The following PDK3 variants were observed in gnomAD, a reference collection of about 807,000 sequenced individuals.
The protein encoded by PDK3 is pyruvate dehydrogenase kinase, isozyme 3.
Under a neutral mutation model 32.0 loss-of-function variants are expected in PDK3, and 12 were observed. That is an observed-to-expected ratio of 0.37 (90% CI 0.24 to 0.61). The LOEUF is 0.61. Among genes scored for constraint, PDK3 ranks in the 20% least tolerant of loss-of-function variants. The pLI, the probability that PDK3 is intolerant of heterozygous loss-of-function variation, is 0.65. For synonymous variants in PDK3, 122 were observed against 116.3 expected, an observed-to-expected ratio of 1.05 and a Z score of -0.31; for missense variants, 188 against 316.9, an observed-to-expected ratio of 0.59 and a Z score of 3.09.
Position 24,528,200 on chromosome X carries a change from A to C in PDK3, c.963+14A>C, listed in dbSNP as rs2148201960. ...GCTGCCCCTTTGGTAAGCATCTGAA[A>C]GTGCTGCTGAAGGAAAGATCATAAA... On this transcript the variant is annotated intron_variant, in intron 9 of 10. Coordinates refer to ENST00000379162, the MANE Select transcript of PDK3 (RefSeq NM_005391.5). 1.1e-5 allele frequency: 10 copies of C among 937,642 alleles called. No individual in the cohort carries two copies. Among genetic ancestry groups the C allele is most frequent in the Non-Finnish European group, 1.5e-5 (10 of 649,190 alleles). The allele number at this position is 937,642 out of a possible 1,213,427, so 77.3% of individuals were successfully genotyped here. A position where few individuals can be genotyped will look rare whatever the true frequency, so the allele number is the denominator to read the frequency against.
At chrX:24,484,044 C>T (rs1187672873) in intron 1 of PDK3, among the ~76,000 whole-genome samples, 3 of 107,257 alleles carry the variant, frequency 2.8e-5, no homozygotes, top group African/African-American at 1.0e-4. Flanking sequence ...CAAAGTCTCA[C>T]TGTGTCGCCC....
chrX:24,537,571 A>C (rs1052777046), downstream of PDK3, among the ~76,000 whole-genome samples: 6 of 110,950 alleles, frequency 5.4e-5, no homozygotes, highest in Non-Finnish European at 1.1e-4. Context: ...TCATAAGTTC[A>C]TATTGATATT....
At chrX:24,526,338 A>G in intron 7 of PDK3, 64 bp downstream of exon 7, 1 of 702,932 alleles carries the variant, frequency 1.4e-6, no homozygotes, top group Non-Finnish European at 2.2e-6. Context: ...TTCAGGGCAT[A>G]ATGGATTCAT....
At chrX:24,473,310 G>C (rs1197968609) in intron 1 of PDK3, among the ~76,000 whole-genome samples, 3 of 108,046 alleles carry the variant, frequency 2.8e-5, no homozygotes, top group Non-Finnish European at 5.8e-5. Flanking sequence ...GGAGGTGGAG[G>C]TTGCAGTGGG....
At chrX:24,541,787 T>C (rs1178595513) in exon 12 of PDK3, among the ~76,000 whole-genome samples, 1 of 112,438 alleles carries the variant, frequency 8.9e-6, no homozygotes, top group Admixed American at 9.4e-5. Flanking sequence ...TATAAGCAAA[T>C]GGTCAGATTT....
chrX:24,517,603 G>A (rs1490484805), intron 5 of PDK3, among the ~76,000 whole-genome samples: 8 of 112,547 alleles, frequency 7.1e-5, no homozygotes, highest in Non-Finnish European at 1.5e-4. Context: ...AGACACAAAC[G>A]CTGACTTCAG....
intron 9 of PDK3, among the ~76,000 whole-genome samples, chrX:24,528,443 C>T (rs1256003275): frequency 1.8e-5 from 2 of 112,041 alleles, no homozygotes; most frequent in Non-Finnish European, 3.8e-5. Flanking sequence ...GAAAAAGTAC[C>T]TCATTGTGGT....
At chrX:24,512,805 G>T (rs923365016) in intron 5 of PDK3, among the ~76,000 whole-genome samples, 4 of 111,249 alleles carry the variant, frequency 3.6e-5, no homozygotes, top group Non-Finnish European at 7.5e-5. Context: ...AAACAAGGTT[G>T]TTTTCTGTGT....
intron 1 of PDK3, among the ~76,000 whole-genome samples, chrX:24,491,254 G>C (rs1473597845): frequency 1.9e-5 from 2 of 103,525 alleles, no homozygotes. Context: ...GGTGGAGGTT[G>C]GGTGACAGAG....
exon 12 of PDK3, among the ~76,000 whole-genome samples, chrX:24,542,918 A>G (rs764105945): frequency 1.8e-5 from 2 of 111,895 alleles, no homozygotes; most frequent in African/African-American, 6.5e-5. Flanking sequence ...TGGCTATCGG[A>G]TTCTTGGATC....
At chrX:24,526,672 A>T (rs1473000914) in intron 7 of PDK3, among the ~76,000 whole-genome samples, 2 of 112,247 alleles carry the variant, frequency 1.8e-5, no homozygotes, top group Non-Finnish European at 3.8e-5. Flanking sequence ...ACACTGGTAC[A>T]TTAGTGGTTG....
intron 3 of PDK3, among the ~76,000 whole-genome samples, chrX:24,499,465 C>T (rs569591137): frequency 3.6e-5 from 4 of 111,492 alleles, no homozygotes; most frequent in African/African-American, 1.3e-4. Context: ...ATGTTTTCCC[C>T]TCCAAGAGAA....
rs1043854863 is a variant in PDK3, at chrX:24,511,327, C to G, written c.595+6029C>G. The stretch of plus-strand genomic sequence containing the variant: ...CCTCTGAGATTTCTTAGTTAATCTT[C>G]TAACTCAGAATCTCTATAGCTAATC... On this transcript the variant is annotated intron_variant, in intron 5 of 10. Coordinates refer to ENST00000379162, the MANE Select transcript of PDK3 (RefSeq NM_005391.5). Among the ~76,000 whole-genome samples the G allele has an allele frequency of 2.8e-4, 32 of 112,700 alleles. 1 individual carries two copies. The highest frequency in any genetic ancestry group is 1.0e-3 in the African/African-American group (32 of 31,068).
intron 10 of PDK3, among the ~76,000 whole-genome samples, chrX:24,533,145 T>C (rs1444844028): frequency 1.9e-5 from 2 of 105,127 alleles, no homozygotes; most frequent in Admixed American, 1.0e-4. Flanking sequence ...TTTTCTTTTT[T>C]TTTTTTTTTG....
chrX:24,546,145 G>A (rs981964723), exon 12 of PDK3: 6 of 111,829 alleles, frequency 5.4e-5, no homozygotes, highest in African/African-American at 2.0e-4. Flanking sequence ...GCTTCAGGTA[G>A]ACAGAGCAGA....
At chrX:24,539,162 TAG>T (rs1922839396), downstream of PDK3, 1 of 1,111,772 alleles carries the variant, frequency 9.0e-7, no homozygotes, top group Non-Finnish European at 1.2e-6. Context: ...TAGAACTTTC[TAG>T]AGGACTGAAT....
Position 24,465,419 on chromosome X carries a change from G to A in PDK3, c.-37G>A. On this transcript the variant is annotated 5_prime_UTR_variant, in exon 1 of 11. Coordinates refer to ENST00000379162, the MANE Select transcript of PDK3 (RefSeq NM_005391.5). The stretch of plus-strand genomic sequence containing the variant: ...GCTGCGCCAGCCCTTGCGGCCACCC[G>A]GGCGTCTAGGCGGGTCTGTGCGCCG... 1 of 1,064,857 alleles carries A rather than the reference G, an allele frequency of 9.4e-7. No homozygotes were observed. The highest frequency in any genetic ancestry group is 1.3e-6 in the Non-Finnish European group (1 of 775,822). The allele number at this position is 1,064,857 out of a possible 1,213,427, so 87.8% of individuals were successfully genotyped here.
At chrX:24,534,657 G>A (rs958012356), downstream of PDK3, among the ~76,000 whole-genome samples, 54 of 112,712 alleles carry the variant, frequency 4.8e-4, no homozygotes, top group Non-Finnish European at 9.4e-5. Context: ...GGTTAAGATG[G>A]TAAGTTCTGG....
At chrX:24,521,942 CT>C (rs72019841) in intron 6 of PDK3, among the ~76,000 whole-genome samples, 46,359 of 110,659 alleles carry the variant, frequency 0.42, 7,237 homozygotes, top group African/African-American at 0.54. Context: ...CTAGAGCTCT[CT>C]TGTGAGCATG....
Sources: allele counts gnomAD v4.1 joint callset (sites outside exome capture counted in the v4.1 genomes callset), GRCh38; gene constraint gnomAD v4.1.1; transcripts MANE v1.5; gene names NCBI Gene and HGNC (gene_info 2026-07-23, HGNC 2026-07-21).